KIAA1217: variants seen among roughly 807,000 people sequenced by gnomAD.
The protein encoded by KIAA1217 is KIAA1217, also known as sickle tail protein homolog.
In KIAA1217, 88 loss-of-function variants were observed where a neutral mutation model predicts 163.9. That is an observed-to-expected ratio of 0.54 (90% confidence interval 0.45 to 0.64). KIAA1217 has a LOEUF of 0.64. Among genes scored for constraint, KIAA1217 ranks in the 30% least tolerant of loss-of-function variants. The pLI is 0.00. For synonymous variants in KIAA1217, 903 were observed against 923.1 expected, an observed-to-expected ratio of 0.98 and a Z score of 0.39; for missense variants, 2,372 against 2,475.0, an observed-to-expected ratio of 0.96 and a Z score of 0.88.
chr10:23,756,359 T>A (rs777605830), intron 1 of KIAA1217, among the ~76,000 whole-genome samples: 2 of 152,224 alleles, frequency 1.3e-5, no homozygotes, highest in Admixed American at 6.5e-5. Context: ...AAAAACAACA[T>A]TGGGGCTACT....
At chr10:23,852,644 T>A (rs537343939) in intron 1 of KIAA1217, among the ~76,000 whole-genome samples, 28 of 152,344 alleles carry the variant, frequency 1.8e-4, no homozygotes, top group African/African-American at 6.7e-4. Context: ...TTCCTACCCA[T>A]GAGCATGGAA....
intron 4 of KIAA1217, among the ~76,000 whole-genome samples, chr10:24,437,386 G>C (rs903085689): frequency 6.6e-6 from 1 of 152,210 alleles, no homozygotes; most frequent in Non-Finnish European, 1.5e-5. Flanking sequence ...GAGAAGACTA[G>C]TCCAAGAATC....
intron 2 of KIAA1217, among the ~76,000 whole-genome samples, chr10:24,364,000 C>T (rs2050392423): frequency 6.9e-6 from 1 of 145,350 alleles, no homozygotes; most frequent in African/African-American, 2.6e-5. Flanking sequence ...TTTTTTGAGA[C>T]AGTGTTTTGC....
chr10:24,391,309 G>T (rs1367245471), intron 3 of KIAA1217, among the ~76,000 whole-genome samples: 2 of 143,432 alleles, frequency 1.4e-5, no homozygotes, highest in African/African-American at 2.6e-5. Flanking sequence ...GAAGATTTAG[G>T]TTCTCCTGTT....
intron 1 of KIAA1217, among the ~76,000 whole-genome samples, chr10:23,724,275 ATT>A (rs11300277): frequency 1.3e-5 from 2 of 151,938 alleles, no homozygotes; most frequent in East Asian, 3.9e-4. Context: ...CTTCTTATGT[ATT>A]TTTTTTAACA....
At chr10:24,501,003 C>T (rs781346489) in intron 8 of KIAA1217, among the ~76,000 whole-genome samples, 9 of 151,918 alleles carry the variant, frequency 5.9e-5, no homozygotes, top group African/African-American at 9.7e-5. Context: ...TTGTTTTATA[C>T]ACTTCTAAGC....
At chr10:23,876,997 G>A (rs12252457) in intron 1 of KIAA1217, among the ~76,000 whole-genome samples, 1,988 of 151,952 alleles carry the variant, frequency 0.013, 60 homozygotes, top group African/African-American at 0.045. Flanking sequence ...GCTTGACACC[G>A]CCAACTTCTT....
At chr10:23,757,655 T>C (rs1336631795) in intron 1 of KIAA1217, among the ~76,000 whole-genome samples, 1 of 152,076 alleles carries the variant, frequency 6.6e-6, no homozygotes, top group Non-Finnish European at 1.5e-5. Flanking sequence ...GTAGCAGGGA[T>C]TACAGGTGCA....
At chr10:24,490,069 G>A (rs73604493) in intron 6 of KIAA1217, among the ~76,000 whole-genome samples, 2 of 152,090 alleles carry the variant, frequency 1.3e-5, no homozygotes, top group African/African-American at 4.8e-5. Flanking sequence ...ACTGGAAACA[G>A]CACTTCCCTG....
At chr10:24,466,451 A>G (rs1423400222) in intron 5 of KIAA1217, 10 of 861,686 alleles carry the variant, frequency 1.2e-5, no homozygotes, top group African/African-American at 1.8e-5. Flanking sequence ...CTGTGGTTGG[A>G]TGTGGGCTGA....
At chr10:23,827,328 G>A (rs1837941688) in intron 1 of KIAA1217, among the ~76,000 whole-genome samples, 1 of 152,210 alleles carries the variant, frequency 6.6e-6, no homozygotes, top group African/African-American at 2.4e-5. Context: ...CACTGGCTCT[G>A]TGGCAGGCTG....
At chr10:24,028,186 C>T (rs1848043548) in intron 2 of KIAA1217, among the ~76,000 whole-genome samples, 1 of 151,958 alleles carries the variant, frequency 6.6e-6, no homozygotes, top group African/African-American at 2.4e-5. Flanking sequence ...GGAATTTTGG[C>T]AAAGCTGAGA....
intron 2 of KIAA1217, among the ~76,000 whole-genome samples, chr10:24,173,620 C>G (rs970791436): frequency 1.2e-4 from 18 of 152,192 alleles, no homozygotes; most frequent in African/African-American, 4.1e-4. Flanking sequence ...CAATACTCTA[C>G]CTAAAAGATG....
chr10:23,931,894 G>C (rs1196009656), intron 1 of KIAA1217, among the ~76,000 whole-genome samples: 2 of 152,164 alleles, frequency 1.3e-5, no homozygotes, highest in African/African-American at 4.8e-5. Context: ...CAGTCCTCCA[G>C]GGCTGGAGGA....
At chr10:23,959,091 G>A (rs1220734360) in intron 1 of KIAA1217, among the ~76,000 whole-genome samples, 1 of 151,884 alleles carries the variant, frequency 6.6e-6, no homozygotes, top group African/African-American at 2.4e-5. Flanking sequence ...GAAGGAAAAG[G>A]TGAGGCAAAG....
intron 1 of KIAA1217, among the ~76,000 whole-genome samples, chr10:23,974,389 C>A (rs181719385): frequency 6.6e-6 from 1 of 152,094 alleles, no homozygotes; most frequent in Admixed American, 6.5e-5. Context: ...TTTATTTCAA[C>A]GGTGTGATAT....
intron 3 of KIAA1217, among the ~76,000 whole-genome samples, chr10:24,418,287 T>C (rs1196742169): frequency 6.6e-6 from 1 of 152,110 alleles, no homozygotes; most frequent in Non-Finnish European, 1.5e-5. Context: ...ACTTGGAAAG[T>C]AGTTTATCCT....
At chr10:24,301,905 C>T (rs2041394314) in intron 2 of KIAA1217, among the ~76,000 whole-genome samples, 2 of 151,956 alleles carry the variant, frequency 1.3e-5, no homozygotes, top group Admixed American at 6.6e-5. Flanking sequence ...ATTAGCTGAG[C>T]GTGGTGGCGC....
At chr10:24,544,872 G>T (rs2075544133) in intron 19 of KIAA1217, 109 bp from the exon 20 acceptor site, 6 of 1,201,198 alleles carry the variant, frequency 5.0e-6, no homozygotes, top group Non-Finnish European at 7.2e-6. Context: ...CTGCATGTAG[G>T]GCTGTGGCTT....
Sources: gnomAD v4.1 joint callset for allele counts (sites outside exome capture counted in the v4.1 genomes callset) on GRCh38, gnomAD v4.1.1 for gene constraint, MANE v1.5 for transcripts, NCBI Gene and HGNC (gene_info 2026-07-23, HGNC 2026-07-21) for gene names.